ITGB8: variants seen among roughly 807,000 people sequenced by gnomAD.
ITGB8 encodes integrin beta-8.
Under a neutral mutation model 89.5 loss-of-function variants are expected in ITGB8, and 30 were observed. The observed-to-expected ratio is 0.34, with a 90% CI of 0.25 to 0.45. The LOEUF is 0.45. Among genes scored for constraint, ITGB8 ranks in the 20% least tolerant of loss-of-function variants. The pLI is 1.00. For missense variants in ITGB8, 836 were observed against 933.3 expected (o/e 0.90, Z 1.36); for synonymous variants, 335 against 320.4 (o/e 1.05, Z -0.49).
At chr7:20,399,044 G>T (rs767123977) in intron 9 of ITGB8, 50 bp downstream of exon 9, 1 of 1,566,122 alleles carries the variant, frequency 6.4e-7, no homozygotes. Flanking sequence ...GTTGTTTGGC[G>T]TACTTTCTTA....
At chr7:20,373,198 G>A (rs951080217) in intron 3 of ITGB8, among the ~76,000 whole-genome samples, 3 of 152,012 alleles carry the variant, frequency 2.0e-5, no homozygotes, top group Admixed American at 6.6e-5. Context: ...ATGTTAGTAG[G>A]ACTATATTTT....
chr7:20,410,222 G>A lies in ITGB8; in HGVS notation c.*225G>A, dbSNP rs879224645. On this transcript the variant is annotated 3_prime_UTR_variant, in exon 14 of 14. Transcript: ENST00000222573. ...CTTACTACTGTTTGAGACTAGTGTCGTTGTAGCACTTTACTGTAATATATA... is the reference window on the plus strand; with the variant it reads ...CTTACTACTGTTTGAGACTAGTGTCATTGTAGCACTTTACTGTAATATATA... 50 of 503,462 alleles carry A rather than the reference G, an allele frequency of 9.9e-5. No individual in the cohort carries two copies. In the South Asian group the frequency reaches 1.1e-3, roughly 11 times the overall value. 31.2% of individuals were successfully genotyped at this position (503,462 alleles called of 1,614,324 possible).
chr7:20,349,637 G>A (rs1785046989), intron 1 of ITGB8, among the ~76,000 whole-genome samples: 1 of 152,140 alleles, frequency 6.6e-6, no homozygotes, highest in African/African-American at 2.4e-5. Flanking sequence ...TGCCGTATAT[G>A]CCGTATAGGG....
intron 6 of ITGB8, among the ~76,000 whole-genome samples, chr7:20,389,973 C>T (rs1416128343): frequency 6.6e-6 from 1 of 152,040 alleles, no homozygotes; most frequent in Non-Finnish European, 1.5e-5. Flanking sequence ...AAAGGCAACT[C>T]ATGAAAATTT....
intron 1 of ITGB8, among the ~76,000 whole-genome samples, chr7:20,356,618 T>G (rs1332713742): frequency 1.3e-5 from 2 of 152,138 alleles, no homozygotes; most frequent in African/African-American, 2.4e-5. Context: ...TGGAAAAAAA[T>G]GCATTTCTCA....
rs1787742768 is a variant in ITGB8 at position 20,411,065 on chromosome 7, T to C, written c.*1068T>C. 6.6e-6 allele frequency: 1 copy of C among 152,080 alleles called. No individual in the cohort carries two copies. Among genetic ancestry groups the C allele is most frequent in the South Asian group, 2.1e-4 (1 of 4,814 alleles). 9.4% of individuals were successfully genotyped at this position (152,080 alleles called of 1,614,324 possible). Reference sequence around the variant, plus strand: ...CCTTCAAGGCAGCCTAAGGATGTTCTTTCCCAGAATCACTCCAACCCTTCT... The same window carrying C: ...CCTTCAAGGCAGCCTAAGGATGTTCCTTCCCAGAATCACTCCAACCCTTCT... On this transcript the variant is annotated 3_prime_UTR_variant, in exon 14 of 14. Transcript: ENST00000222573.
intron 1 of ITGB8, among the ~76,000 whole-genome samples, chr7:20,353,645 G>A (rs1344887222): frequency 2.0e-5 from 3 of 151,626 alleles, no homozygotes; most frequent in Non-Finnish European, 4.4e-5. Context: ...GTAAGAAAAC[G>A]GTAATCGGCC....
At chr7:20,332,104 G>A in intron 1 of ITGB8, 171 bp downstream of exon 1, 1 of 1,358,246 alleles carries the variant, frequency 7.4e-7, no homozygotes. Context: ...GAGGCCAGGT[G>A]TCAAGCATTT....
intron 1 of ITGB8, among the ~76,000 whole-genome samples, chr7:20,343,272 T>C (rs1462439314): frequency 6.6e-6 from 1 of 152,224 alleles, no homozygotes; most frequent in Non-Finnish European, 1.5e-5. Context: ...AACCTAACAA[T>C]ACTGTGTGGT....
rs768543142 is a variant in ITGB8 at position 20,379,041 on chromosome 7, A to G, written c.389-10A>G. ...GAAGACTACATGATGTTTTTCTTCT[A>G]TTGAACTAGGAGCCGAAGCTAATTT... On this transcript the variant is annotated splice_polypyrimidine_tract_variant and intron_variant, in intron 3 of 13. Coordinates refer to ENST00000222573, the MANE Select transcript of ITGB8 (RefSeq NM_002214.3). 2.6e-6 allele frequency: 4 copies of G among 1,566,032 alleles called. No homozygotes were observed. The highest frequency in any genetic ancestry group is 4.5e-5 in the East Asian group (2 of 44,062).
intron 6 of ITGB8, among the ~76,000 whole-genome samples, chr7:20,385,087 C>A (rs944081392): frequency 1.3e-5 from 2 of 152,184 alleles, no homozygotes; most frequent in African/African-American, 2.4e-5. Flanking sequence ...CACCCTGTCT[C>A]CCCACCCAGC....
intron 3 of ITGB8, among the ~76,000 whole-genome samples, chr7:20,374,388 T>C (rs1786050216): frequency 6.6e-6 from 1 of 151,846 alleles, no homozygotes; most frequent in Admixed American, 6.6e-5. Context: ...TAGAATCTAG[T>C]AGTAGTAAGT....
At chr7:20,395,757 T>C (rs984927760) in intron 8 of ITGB8, among the ~76,000 whole-genome samples, 2 of 152,190 alleles carry the variant, frequency 1.3e-5, no homozygotes, top group East Asian at 1.9e-4. Flanking sequence ...AGTACCCACA[T>C]TGTATATTAG....
In ITGB8 at chr7:20,394,808, G is replaced by T. The variant is rs1036332444; in HGVS notation, c.1057-88G>T. ...TTCATTTAATGGTTCACCTTCAACTGATAACTACAAAAATATTTACTATTT... is the reference window on the plus strand; with the variant it reads ...TTCATTTAATGGTTCACCTTCAACTTATAACTACAAAAATATTTACTATTT... On this transcript the variant is annotated intron_variant, in intron 7 of 13. Coordinates refer to ENST00000222573, the MANE Select transcript of ITGB8 (RefSeq NM_002214.3). 5 of 922,256 alleles carry T rather than the reference G, an allele frequency of 5.4e-6. No individual in the cohort carries two copies. In the Admixed American group the frequency reaches 9.4e-5, roughly 17 times the overall value. The allele number at this position is 922,256 out of a possible 1,614,324, so 57.1% of individuals were successfully genotyped here.
rs537050704 is a variant in ITGB8, at chr7:20,340,606, C to T, written c.127+8673C>T. On this transcript the variant is annotated intron_variant, in intron 1 of 13. Transcript: ENST00000222573. Reference sequence around the variant, plus strand: ...GTAAATGAAGCCACAGTTAAAAGTACTGCTGTTTCATGTGTACATGTGGTA... The same window carrying T: ...GTAAATGAAGCCACAGTTAAAAGTATTGCTGTTTCATGTGTACATGTGGTA... 3.9e-5 allele frequency among the ~76,000 whole-genome samples: 6 copies of T among 152,324 alleles called. No individual in the cohort carries two copies. In the South Asian group the frequency reaches 1.2e-3, roughly 32 times the overall value.
chr7:20,394,249 A>T (rs1786981603), intron 7 of ITGB8, among the ~76,000 whole-genome samples: 1 of 152,208 alleles, frequency 6.6e-6, no homozygotes, highest in Admixed American at 6.5e-5. Flanking sequence ...CTTTAGTCAG[A>T]TTGGCTTTTT....
In ITGB8 at chr7:20,409,662, A is replaced by G. The variant is rs1344235349; in HGVS notation, c.2071A>G (p.Ile691Val). ...CTTGAGAATATTTTTCATCATTTTCATAGTTACATTCTTGATTGGGTTGCT... is the reference window on the plus strand; with the variant it reads ...CTTGAGAATATTTTTCATCATTTTCGTAGTTACATTCTTGATTGGGTTGCT... ...SYLRIFFIIFIVTFLIGLLKV... is the reference protein window; with the variant it reads ...SYLRIFFIIFVVTFLIGLLKV... Residue 691 changes from isoleucine (I) to valine (V), a missense_variant, in exon 13 of 14, where the codon ATA (isoleucine) becomes GTA (valine). Transcript: ENST00000222573. 2 of 1,610,968 alleles carry G rather than the reference A, an allele frequency of 1.2e-6. No individual in the cohort carries two copies. The highest frequency in any genetic ancestry group is 1.7e-5 in the Admixed American group (1 of 59,728).
intron 1 of ITGB8, among the ~76,000 whole-genome samples, chr7:20,334,648 G>T (rs1784518274): frequency 6.6e-6 from 1 of 152,200 alleles, no homozygotes; most frequent in African/African-American, 2.4e-5. Flanking sequence ...TACCTAAAGT[G>T]ATCGGATATT....
Position 20,412,176 on chromosome 7 carries a change from A to C in ITGB8, c.*2179A>C, listed in dbSNP as rs1309233082. 1 of 152,640 alleles carries C rather than the reference A, an allele frequency of 6.6e-6. No individual in the cohort carries two copies. The highest frequency in any genetic ancestry group is 1.5e-5 in the Non-Finnish European group (1 of 68,048). The allele number at this position is 152,640 out of a possible 1,614,324, so 9.5% of individuals were successfully genotyped here. A position where few individuals can be genotyped will look rare whatever the true frequency, so the allele number is the denominator to read the frequency against. ...AAGTTGTTCTGGAGCCAATAAACAC[A>C]GCAGCTCTGTTAGATGTCCTCTACA... is the stretch of plus-strand genomic sequence containing the variant. On this transcript the variant is annotated 3_prime_UTR_variant, in exon 14 of 14. Coordinates refer to ENST00000222573, the MANE Select transcript of ITGB8 (RefSeq NM_002214.3).
Sources: gnomAD v4.1 joint callset for allele counts (sites outside exome capture counted in the v4.1 genomes callset) on GRCh38, gnomAD v4.1.1 for gene constraint, MANE v1.5 for transcripts, NCBI Gene and HGNC (gene_info 2026-07-23, HGNC 2026-07-21) for gene names.